Variants in DNAJC1 observed in about 807,000 individuals in gnomAD.
The protein encoded by DNAJC1 is DnaJ heat shock protein family (Hsp40) member C1, also known as dnaJ homolog subfamily C member 1.
In DNAJC1, 58 loss-of-function variants were observed where a neutral mutation model predicts 76.6. The observed-to-expected ratio is 0.76, with a 90% CI of 0.61 to 0.94. The LOEUF (loss-of-function observed/expected upper bound fraction) is 0.94, where lower values mean the gene tolerates loss of function less well. Ranked by LOEUF, DNAJC1 falls within the 40% of genes least tolerant of loss-of-function variation. DNAJC1 has a pLI of 0.00. For synonymous variants in DNAJC1, 258 were observed against 267.9 expected (o/e 0.96, Z 0.36); for missense variants, 689 against 677.3 (o/e 1.02, Z -0.19).
In DNAJC1 at chr10:21,966,717, C is replaced by T. The variant is rs558895907; in HGVS notation, c.222+36496G>A. ...TTTTTTTTTTTGAGGTGGAGTTTTA[C>T]ACTTGTTGCCCAGGCTGGAGTGCAA... On this transcript the variant is annotated intron_variant, in intron 1 of 11. Transcript: ENST00000376980. Among the ~76,000 whole-genome samples, 35 of 146,248 alleles carry T rather than the reference C, an allele frequency of 2.4e-4. No homozygotes were observed. In the South Asian group the frequency reaches 6.1e-3, roughly 25 times the overall value.
chr10:21,886,743 T>C (rs1459076182), intron 7 of DNAJC1, among the ~76,000 whole-genome samples: 2 of 152,094 alleles, frequency 1.3e-5, no homozygotes, highest in Non-Finnish European at 2.9e-5. Context: ...CCTGAATAGA[T>C]ACAGAAAAAG....
intron 8 of DNAJC1, among the ~76,000 whole-genome samples, chr10:21,845,604 T>C (rs1835645794): frequency 6.6e-6 from 1 of 152,150 alleles, no homozygotes; most frequent in African/African-American, 2.4e-5. Flanking sequence ...CCCAAAGTGC[T>C]GGGATTACAG....
chr10:21,762,214 G>A (rs1834249448), intron 10 of DNAJC1, among the ~76,000 whole-genome samples: 1 of 152,178 alleles, frequency 6.6e-6, no homozygotes, highest in East Asian at 1.9e-4. Context: ...TGGGATTACA[G>A]GCATGAGCCA....
intron 6 of DNAJC1, among the ~76,000 whole-genome samples, chr10:21,912,083 C>T (rs1267605264): frequency 2.0e-5 from 3 of 152,248 alleles, no homozygotes; most frequent in Non-Finnish European, 2.9e-5. Context: ...TCAGCCTGAA[C>T]ATTCTGACAG....
Position 21,979,163 on chromosome 10 carries a change from AC to A in DNAJC1, c.222+24049del, listed in dbSNP as rs777222559. Among the ~76,000 whole-genome samples the A allele has an allele frequency of 2.6e-5, 4 of 151,820 alleles. No individual in the cohort carries two copies. The East Asian group carries it at 7.7e-4, about 29-fold the overall frequency. On this transcript the variant is annotated intron_variant, in intron 1 of 11. Transcript: ENST00000376980. ...AAAATATGAAGATCTTTTAAAAAAA[AC>A]CAGCTAGAAATCTATTAGACGTGCC...
chr10:21,785,033 T>C (rs565345166), intron 9 of DNAJC1, among the ~76,000 whole-genome samples: 5 of 152,226 alleles, frequency 3.3e-5, no homozygotes, highest in South Asian at 4.2e-4. Flanking sequence ...ACATGTACCC[T>C]AGAACTTAAA....
At chr10:21,793,393 A>G (rs763942911) in intron 9 of DNAJC1, among the ~76,000 whole-genome samples, 3 of 152,254 alleles carry the variant, frequency 2.0e-5, no homozygotes, top group Non-Finnish European at 4.4e-5. Context: ...TCTTCCCTCC[A>G]TGATCAGGAA....
At chr10:21,910,605 G>A (rs775182005) in intron 6 of DNAJC1, among the ~76,000 whole-genome samples, 3 of 152,026 alleles carry the variant, frequency 2.0e-5, no homozygotes, top group Non-Finnish European at 2.9e-5. Context: ...AGTGGGAGCT[G>A]AAAAATGAGA....
intron 1 of DNAJC1, among the ~76,000 whole-genome samples, chr10:21,932,362 C>G (rs1050789988): frequency 6.6e-6 from 1 of 152,022 alleles, no homozygotes; most frequent in African/African-American, 2.4e-5. Flanking sequence ...AACAACAAAC[C>G]CTGAAAATAA....
intron 8 of DNAJC1, among the ~76,000 whole-genome samples, chr10:21,870,369 C>T (rs747122042): frequency 2.0e-5 from 3 of 152,074 alleles, no homozygotes; most frequent in African/African-American, 4.8e-5. Context: ...CCAAATTCCA[C>T]CCCTCCATAA....
At chr10:21,999,002 T>C (rs1838468746) in intron 1 of DNAJC1, among the ~76,000 whole-genome samples, 2 of 152,234 alleles carry the variant, frequency 1.3e-5, no homozygotes, top group African/African-American at 4.8e-5. Context: ...TTCTAAGTCA[T>C]CTGTTATTCA....
intron 8 of DNAJC1, among the ~76,000 whole-genome samples, chr10:21,866,470 T>C (rs930781074): frequency 1.3e-5 from 2 of 152,062 alleles, no homozygotes; most frequent in Non-Finnish European, 2.9e-5. Context: ...ACACTTTATA[T>C]AGTAAAAGCT....
intron 1 of DNAJC1, among the ~76,000 whole-genome samples, chr10:21,998,526 C>A (rs1215949594): frequency 2.0e-5 from 3 of 151,980 alleles, no homozygotes; most frequent in African/African-American, 4.8e-5. Flanking sequence ...AACGAAAGAT[C>A]TTTCAATAGC....
chr10:21,888,969 A>G (rs1180779854), intron 7 of DNAJC1, among the ~76,000 whole-genome samples: 1 of 152,188 alleles, frequency 6.6e-6, no homozygotes, highest in Non-Finnish European at 1.5e-5. Flanking sequence ...AGTTTAAAAA[A>G]TACATAAATA....
Position 21,973,130 on chromosome 10 carries a change from G to C in DNAJC1, c.222+30083C>G, listed in dbSNP as rs56790731. 2.6e-3 allele frequency among the ~76,000 whole-genome samples: 390 copies of C among 152,154 alleles called. 1 individual carries two copies. Among genetic ancestry groups the C allele is most frequent in the African/African-American group, 8.9e-3 (368 of 41,548 alleles). On this transcript the variant is annotated intron_variant, in intron 1 of 11. Coordinates refer to ENST00000376980, the MANE Select transcript of DNAJC1 (RefSeq NM_022365.4). ...TTACCTAAATAACAGGGCTGTTATG[G>C]GATGTGTATTCTGGTTTATCAATTC...
intron 1 of DNAJC1, among the ~76,000 whole-genome samples, chr10:21,962,528 C>T (rs967957212): frequency 1.2e-4 from 17 of 145,544 alleles, no homozygotes; most frequent in African/African-American, 4.4e-4. Flanking sequence ...TGCAGTGGCA[C>T]CAACACATGG....
chr10:21,934,714 G>C (rs1165450268), intron 1 of DNAJC1, among the ~76,000 whole-genome samples: 1 of 152,156 alleles, frequency 6.6e-6, no homozygotes, highest in East Asian at 1.9e-4. Context: ...TATAGCCTAG[G>C]TTTGCAGTAG....
At chr10:21,983,718 CT>C (rs546216735) in intron 1 of DNAJC1, among the ~76,000 whole-genome samples, 5 of 74,924 alleles carry the variant, frequency 6.7e-5, no homozygotes, top group Admixed American at 2.9e-4. Context: ...GAGATTCTGT[CT>C]CAAAAAAAAA....
At chr10:21,989,180 G>A (rs986773678) in intron 1 of DNAJC1, among the ~76,000 whole-genome samples, 1 of 152,076 alleles carries the variant, frequency 6.6e-6, no homozygotes, top group Non-Finnish European at 1.5e-5. Flanking sequence ...AGTTCTGGAT[G>A]ATAAGTGGCA....
Sources: allele counts gnomAD v4.1 joint callset (sites outside exome capture counted in the v4.1 genomes callset), GRCh38; gene constraint gnomAD v4.1.1; transcripts MANE v1.5; gene names NCBI Gene and HGNC (gene_info 2026-07-23, HGNC 2026-07-21).